Variants in SLC22A8 observed in about 807,000 individuals in gnomAD.
SLC22A8 encodes organic anion transporter 3.
A neutral mutation model predicts 48.4 loss-of-function variants in SLC22A8; 40 were observed. The observed-to-expected ratio is 0.83, with a 90% CI of 0.64 to 1.08. The LOEUF is 1.08. Ranked by LOEUF, SLC22A8 falls within the 50% of genes least tolerant of loss-of-function variation. SLC22A8 has a pLI of 0.00. For synonymous variants in SLC22A8, 268 were observed against 286.3 expected (o/e 0.94, Z 0.65); for missense variants, 606 against 699.0 (o/e 0.87, Z 1.50).
chr11:63,015,033 C>A, intron 1 of SLC22A8, 50 bp from the exon 2 acceptor site: 1 of 1,321,552 alleles, frequency 7.6e-7, no homozygotes, highest in Admixed American at 2.3e-5. Flanking sequence ...CCTGGTAGTG[C>A]GTGGGTCTAT....
At chr11:63,010,533 A>G (rs1033026142) in intron 2 of SLC22A8, among the ~76,000 whole-genome samples, 10 of 152,306 alleles carry the variant, frequency 6.6e-5, no homozygotes, top group African/African-American at 2.2e-4. Context: ...GCTGAACCAC[A>G]AACAGAAAGA....
rs564948187 is a variant in SLC22A8 at position 62,997,095 on chromosome 11, A to T, written c.762-943T>A. On this transcript the variant is annotated intron_variant, in intron 5 of 10. Coordinates refer to ENST00000336232, the MANE Select transcript of SLC22A8 (RefSeq NM_004254.4). The stretch of plus-strand genomic sequence containing the variant: ...CCCAAAACCATGGCAAGGGCCTGGC[A>T]CTCTATCCTCCTCTTCCCGAGAATT... Among the ~76,000 whole-genome samples, 23 of 152,204 alleles carry T rather than the reference A, an allele frequency of 1.5e-4. No individual in the cohort carries two copies. The South Asian group carries it at 4.6e-3, about 30-fold the overall frequency.
At chr11:63,006,337 A>G (rs958629389) in intron 2 of SLC22A8, among the ~76,000 whole-genome samples, 3 of 152,078 alleles carry the variant, frequency 2.0e-5, no homozygotes, top group Non-Finnish European at 4.4e-5. Flanking sequence ...TTTGAAACTC[A>G]TGTCAATATC....
Position 62,996,104 on chromosome 11 carries a change from C to G in SLC22A8, c.810G>C (p.Ser270=). Residue 270 remains serine, a synonymous_variant, in exon 6 of 11, where the codon TCG becomes TCC. Transcript: ENST00000336232. ...CCCGCCGGAGTATCTTCAGGGCCTT[C>G]GAGGACTTTCCAGACAAGACCAACC... ...IRWLVLSGKS[S]KALKILRRVA... 1 of 1,613,776 alleles carries G rather than the reference C, an allele frequency of 6.2e-7. No individual in the cohort carries two copies. Among genetic ancestry groups the G allele is most frequent in the Non-Finnish European group, 8.5e-7 (1 of 1,179,844 alleles).
chr11:62,995,650 G>A (rs901335238), intron 7 of SLC22A8, 54 bp downstream of exon 7: 2 of 1,282,144 alleles, frequency 1.6e-6, no homozygotes, highest in Non-Finnish European at 2.3e-6. Context: ...CCTACTGGAG[G>A]CCTTGTCTAT....
intron 3 of SLC22A8, among the ~76,000 whole-genome samples, chr11:63,000,275 G>A (rs948402556): frequency 2.6e-5 from 4 of 152,152 alleles, no homozygotes; most frequent in African/African-American, 9.7e-5. Flanking sequence ...CTTGAGGTCA[G>A]GAGTTTGAGA....
intron 2 of SLC22A8, among the ~76,000 whole-genome samples, chr11:63,008,769 C>A (rs1169346117): frequency 1.3e-5 from 2 of 152,194 alleles, no homozygotes; most frequent in African/African-American, 4.8e-5. Flanking sequence ...GTAGTCAGGA[C>A]CTCCCAACAC....
Position 63,014,826 on chromosome 11 carries a change from G to T in SLC22A8, c.133C>A (p.Pro45Thr). Residue 45 changes from proline (P) to threonine (T), a missense_variant, in exon 2 of 11, where the codon CCT (proline) becomes ACT (threonine). By Grantham distance (38) the Pro-to-Thr change is conservative. Transcript: ENST00000336232. ...TGGGGCGGGCGACAGTGGTGGACAGGGGTGGCGGCTGTGAAGATCTGCAGC... is the reference window on the plus strand; with the variant it reads ...TGGGGCGGGCGACAGTGGTGGACAGTGGTGGCGGCTGTGAAGATCTGCAGC... ...NLLQIFTAATPVHHCRPPHNA... is the reference protein window; with the variant it reads ...NLLQIFTAATTVHHCRPPHNA... The T allele has an allele frequency of 1.2e-6, 2 of 1,612,678 alleles. No individual in the cohort carries two copies. The highest frequency in any genetic ancestry group is 1.7e-6 in the Non-Finnish European group (2 of 1,178,838).
chr11:63,000,489 G>GAAAAAA (rs59363642), intron 3 of SLC22A8, among the ~76,000 whole-genome samples: 3 of 88,366 alleles, frequency 3.4e-5, no homozygotes, highest in Non-Finnish European at 4.5e-5. Flanking sequence ...CGTCTTAAGA[G>GAAAAAA]AAAAAAAAAA....
intron 5 of SLC22A8, among the ~76,000 whole-genome samples, chr11:62,997,037 G>A (rs1167447365): frequency 2.0e-5 from 3 of 152,148 alleles, no homozygotes; most frequent in African/African-American, 2.4e-5. Context: ...GGTCTTCTGA[G>A]CCTGCTCTTA....
chr11:63,005,667 TATG>T (rs766684618), intron 2 of SLC22A8, among the ~76,000 whole-genome samples: 111 of 152,194 alleles, frequency 7.3e-4, no homozygotes, highest in Non-Finnish European at 1.1e-3. Context: ...ATGGGGATGT[TATG>T]ATCCACAGAG....
chr11:63,002,084 A>G, intron 2 of SLC22A8, among the ~76,000 whole-genome samples: 1 of 152,074 alleles, frequency 6.6e-6, no homozygotes, highest in South Asian at 2.1e-4. Context: ...CTAATTTTGG[A>G]TTTTGTATAT....
At chr11:63,013,314 AG>A (rs1268344056) in intron 2 of SLC22A8, among the ~76,000 whole-genome samples, 1 of 152,200 alleles carries the variant, frequency 6.6e-6, no homozygotes, top group East Asian at 1.9e-4. Context: ...AATCAAGCTG[AG>A]CCTCAGTTTC....
chr11:63,015,291 C>T (rs2080952363), intron 1 of SLC22A8, among the ~76,000 whole-genome samples: 1 of 152,196 alleles, frequency 6.6e-6, no homozygotes, highest in Non-Finnish European at 1.5e-5. Flanking sequence ...AAGGACACAG[C>T]TGCGTGAGCT....
chr11:63,000,680 C>G, intron 3 of SLC22A8, 40 bp downstream of exon 3: 1 of 1,428,592 alleles, frequency 7.0e-7, no homozygotes, highest in Non-Finnish European at 9.9e-7. Context: ...GGGTTGTCCC[C>G]ATGGGTCATG....
chr11:62,997,798 A>G (rs936338640), intron 5 of SLC22A8, among the ~76,000 whole-genome samples: 6 of 152,196 alleles, frequency 3.9e-5, no homozygotes, highest in African/African-American at 1.4e-4. Context: ...TGGGGACAAT[A>G]ATGTCTCCCT....
At chr11:62,999,903 C>G (rs2086471194) in intron 3 of SLC22A8, 61 bp from the exon 4 acceptor site, 2 of 1,366,178 alleles carry the variant, frequency 1.5e-6, no homozygotes, top group Non-Finnish European at 1.9e-6. Flanking sequence ...AGAGGAGTGA[C>G]TCTGCATGCT....
intron 7 of SLC22A8, chr11:62,995,475 G>T: frequency 1.8e-6 from 1 of 570,162 alleles, no homozygotes. Context: ...TGTGGGTGAG[G>T]GGTGGGGCAT....
At chr11:63,008,980 A>G (rs1025532189) in intron 2 of SLC22A8, among the ~76,000 whole-genome samples, 1 of 152,102 alleles carries the variant, frequency 6.6e-6, no homozygotes, top group African/African-American at 2.4e-5. Context: ...GAGAGCTCAC[A>G]GGAAGGTCCC....
Sources: gnomAD v4.1 joint callset for allele counts (sites outside exome capture counted in the v4.1 genomes callset) on GRCh38, gnomAD v4.1.1 for gene constraint, MANE v1.5 for transcripts, NCBI Gene and HGNC (gene_info 2026-07-23, HGNC 2026-07-21) for gene names.